Variants in WNT7A observed in about 807,000 individuals in gnomAD.
WNT7A encodes protein Wnt-7a.
Under a neutral mutation model 28.2 loss-of-function variants are expected in WNT7A, and 16 were observed. The observed-to-expected ratio is 0.57, with a 90% CI of 0.38 to 0.86. WNT7A has a LOEUF of 0.86. Ranked by LOEUF, WNT7A falls within the 40% of genes least tolerant of loss-of-function variation. The probability of loss-of-function intolerance (pLI) is 0.00; values close to 1 mark genes in which losing one functional copy is unlikely to be tolerated. For synonymous variants in WNT7A, 190 were observed against 195.9 expected (o/e 0.97, Z 0.25); for missense variants, 411 against 489.7 (o/e 0.84, Z 1.52).
chr3:13,827,856 G>C (rs758306964), intron 3 of WNT7A, among the ~76,000 whole-genome samples: 1 of 152,100 alleles, frequency 6.6e-6, no homozygotes. Flanking sequence ...AGCACTGGGC[G>C]CTCCAGGATC....
Position 13,855,020 on chromosome 3 carries a change from G to A in WNT7A, c.299-217C>T, listed in dbSNP as rs566524568. 4.6e-5 allele frequency among the ~76,000 whole-genome samples: 7 copies of A among 152,354 alleles called. No individual in the cohort carries two copies. In the South Asian group the frequency reaches 1.4e-3, roughly 32 times the overall value. On this transcript the variant is annotated intron_variant, in intron 2 of 3. Transcript: ENST00000285018. ...TCCATTCAACCCCAGAACCTGGGGA[G>A]TCAACTGGGCAGTAAAGGAGGAAGG... is the stretch of plus-strand genomic sequence containing the variant.
At chr3:13,868,734 AAGAAG>A (rs1369948016) in intron 2 of WNT7A, among the ~76,000 whole-genome samples, 1 of 148,236 alleles carries the variant, frequency 6.7e-6, no homozygotes, top group Non-Finnish European at 1.5e-5. Context: ...GAAAGAAAGA[AAGAAG>A]AGAAAGAAAG....
chr3:13,856,956 GA>G (rs1694751461), intron 2 of WNT7A, among the ~76,000 whole-genome samples: 6 of 124,802 alleles, frequency 4.8e-5, no homozygotes, highest in Non-Finnish European at 7.8e-5. Context: ...AGAAGAAGAA[GA>G]AGAAGAAGAA....
At chr3:13,821,034 G>A (rs964820780) in intron 3 of WNT7A, among the ~76,000 whole-genome samples, 1 of 152,216 alleles carries the variant, frequency 6.6e-6, no homozygotes, top group Non-Finnish European at 1.5e-5. Context: ...CCACAAATCT[G>A]TGTCCCCAAA....
intron 3 of WNT7A, among the ~76,000 whole-genome samples, chr3:13,829,690 G>A (rs1361964708): frequency 6.6e-6 from 1 of 152,154 alleles, no homozygotes; most frequent in Non-Finnish European, 1.5e-5. Flanking sequence ...ATCTCGGAGA[G>A]AAAAGACGGG....
chr3:13,827,336 C>T (rs1256942415), intron 3 of WNT7A, among the ~76,000 whole-genome samples: 2 of 152,340 alleles, frequency 1.3e-5, no homozygotes, highest in Admixed American at 6.5e-5. Flanking sequence ...GCCTCCTCTG[C>T]CTGCCAGCCA....
chr3:13,878,114 A>T (rs2124882090), intron 1 of WNT7A, among the ~76,000 whole-genome samples: 1 of 152,264 alleles, frequency 6.6e-6, no homozygotes, highest in South Asian at 2.1e-4. Context: ...AGCGCCCTGC[A>T]GGACTCCCTC....
chr3:13,820,405 GA>G (rs36001991), intron 3 of WNT7A, among the ~76,000 whole-genome samples: 84,692 of 143,292 alleles, frequency 0.59, 24,332 homozygotes, highest in East Asian at 0.8. Flanking sequence ...CCTTTTTACA[GA>G]AAAAAAAAAA....
At chr3:13,832,124 C>T (rs1446094011) in intron 3 of WNT7A, among the ~76,000 whole-genome samples, 1 of 151,638 alleles carries the variant, frequency 6.6e-6, no homozygotes, top group Non-Finnish European at 1.5e-5. Context: ...TCCTCCTCCT[C>T]CCCCTCTTCC....
chr3:13,838,314 A>G (rs2124842845), intron 3 of WNT7A, among the ~76,000 whole-genome samples: 1 of 152,316 alleles, frequency 6.6e-6, no homozygotes, highest in African/African-American at 2.4e-5. Flanking sequence ...TGTCAGCACC[A>G]TGTAGGCCTG....
At chr3:13,857,004 G>T (rs781578690) in intron 2 of WNT7A, among the ~76,000 whole-genome samples, 12 of 151,388 alleles carry the variant, frequency 7.9e-5, no homozygotes, top group African/African-American at 2.7e-4. Context: ...AGAAGAAGAA[G>T]AAGGAAGAAA....
intron 3 of WNT7A, among the ~76,000 whole-genome samples, chr3:13,843,599 A>G (rs180855978): frequency 5.9e-5 from 9 of 152,064 alleles, no homozygotes; most frequent in South Asian, 4.2e-4. Flanking sequence ...GCAGTACCCA[A>G]CCAGAGCCTC....
At chr3:13,878,696 C>A (rs2124882648) in intron 1 of WNT7A, among the ~76,000 whole-genome samples, 1 of 152,288 alleles carries the variant, frequency 6.6e-6, no homozygotes, top group East Asian at 1.9e-4. Flanking sequence ...GCAGCCCCTG[C>A]GGTCCACCCC....
At position 13,875,804 on chromosome 3, in the gene WNT7A, A is replaced by G. The variant is rs528704832; in HGVS notation, c.72-631T>C. 3.8e-5 allele frequency: 6 copies of G among 156,820 alleles called. No homozygotes were observed. The South Asian group carries it at 1.2e-3, about 30-fold the overall frequency. The allele number at this position is 156,820 out of a possible 1,614,324, so 9.7% of individuals were successfully genotyped here. Reference sequence around the variant, plus strand: ...GGAGTACATGTATCCCACTCCGGGCATGACTGGCCTAGAGGATGTGTGCGA... The same window carrying G: ...GGAGTACATGTATCCCACTCCGGGCGTGACTGGCCTAGAGGATGTGTGCGA... On this transcript the variant is annotated intron_variant, in intron 1 of 3. Coordinates refer to ENST00000285018, the MANE Select transcript of WNT7A (RefSeq NM_004625.4).
chr3:13,858,305 G>A (rs1694779538), intron 2 of WNT7A, among the ~76,000 whole-genome samples: 1 of 152,202 alleles, frequency 6.6e-6, no homozygotes, highest in Admixed American at 6.5e-5. Flanking sequence ...CTCAAAGACT[G>A]GCCCCTCTCC....
intron 3 of WNT7A, among the ~76,000 whole-genome samples, chr3:13,831,779 A>C (rs956353658): frequency 6.6e-6 from 1 of 152,038 alleles, no homozygotes; most frequent in Admixed American, 6.6e-5. Context: ...CAGGTTTCTC[A>C]TGGGACCAGC....
rs76531146 is a variant in WNT7A, at chr3:13,840,221, C to T, written c.570+14311G>A. Among the ~76,000 whole-genome samples, 287 of 152,336 alleles carry T rather than the reference C, an allele frequency of 1.9e-3. 6 individuals carry two copies. The East Asian group carries it at 0.049, about 26-fold the overall frequency. ...TCTCCAGGAGGCCTCTCCTGATCGC[C>T]TAAAATAAAATGCCCCTGCTCCTGA... On this transcript the variant is annotated intron_variant, in intron 3 of 3. Coordinates refer to ENST00000285018, the MANE Select transcript of WNT7A (RefSeq NM_004625.4).
chr3:13,868,826 A>AGG (rs1694973788), intron 2 of WNT7A, among the ~76,000 whole-genome samples: 2 of 98,334 alleles, frequency 2.0e-5, no homozygotes, highest in African/African-American at 4.8e-5. Flanking sequence ...GAGAGAGAGA[A>AGG]AGAGAGAAAG....
chr3:13,878,030 G>A (rs1173808492), intron 1 of WNT7A, among the ~76,000 whole-genome samples: 1 of 152,148 alleles, frequency 6.6e-6, no homozygotes, highest in Non-Finnish European at 1.5e-5. Flanking sequence ...GGCCTGGCCC[G>A]AAGTCACCTG....
Sources: allele counts gnomAD v4.1 joint callset (sites outside exome capture counted in the v4.1 genomes callset), GRCh38; gene constraint gnomAD v4.1.1; transcripts MANE v1.5; gene names NCBI Gene and HGNC (gene_info 2026-07-23, HGNC 2026-07-21).